Variants in SLC6A15 observed in about 807,000 individuals in gnomAD.
The protein encoded by SLC6A15 is sodium-dependent neutral amino acid transporter B(0)AT2.
Under a neutral mutation model 68.5 loss-of-function variants are expected in SLC6A15, and 33 were observed. The ratio of observed to expected loss-of-function variants is 0.48; its 90% CI spans 0.37 to 0.64. SLC6A15 has a LOEUF of 0.64. Among genes scored for constraint, SLC6A15 ranks in the 30% least tolerant of loss-of-function variants. SLC6A15 has a pLI of 0.00. For synonymous variants in SLC6A15, 347 were observed against 301.0 expected (o/e 1.15, Z -1.58); for missense variants, 747 against 874.3 (o/e 0.85, Z 1.84).
intron 5 of SLC6A15, chr12:84,882,629 A>C: frequency 4.1e-6 from 1 of 243,186 alleles, no homozygotes; most frequent in Non-Finnish European, 6.6e-6. Flanking sequence ...GTTAAAGAAC[A>C]TGGGCTCTAG....
Position 84,891,955 on chromosome 12 carries a change from C to T in SLC6A15, c.166G>A (p.Glu56Lys). ...EKDTDVEEGSEVEDERPAWNS... is the reference protein window; with the variant it reads ...EKDTDVEEGSKVEDERPAWNS... Reference sequence around the variant, plus strand: ...CAAGCTGGTCTTTCATCTTCGACTTCAGATCCTTCTTCAACATCTGTATCT... The same window carrying T: ...CAAGCTGGTCTTTCATCTTCGACTTTAGATCCTTCTTCAACATCTGTATCT... Residue 56 changes from glutamate (E) to lysine (K), a missense_variant, in exon 2 of 12, where the codon GAA becomes AAA. Physicochemically the swap from Glu to Lys is moderately conservative, Grantham distance 56. Transcript: ENST00000266682. The T allele has an allele frequency of 6.2e-7, 1 of 1,614,070 alleles. No individual in the cohort carries two copies. Among genetic ancestry groups the T allele is most frequent in the Non-Finnish European group, 8.5e-7 (1 of 1,179,994 alleles).
chr12:84,862,158 A>G, intron 11 of SLC6A15, 152 bp from the exon 12 acceptor site: 1 of 706,566 alleles, frequency 1.4e-6, no homozygotes, highest in Non-Finnish European at 2.3e-6. Context: ...GACACTCAGC[A>G]ACTTCCAAGA....
At chr12:84,876,701 C>A (rs1363439593) in intron 5 of SLC6A15, 94 bp from the exon 6 acceptor site, 1 of 552,550 alleles carries the variant, frequency 1.8e-6, no homozygotes, top group African/African-American at 2.0e-5. Context: ...TTGACAGTCA[C>A]TGTTTCATGA....
intron 1 of SLC6A15, among the ~76,000 whole-genome samples, chr12:84,903,275 G>T (rs1295292144): frequency 6.6e-6 from 1 of 151,950 alleles, no homozygotes; most frequent in Non-Finnish European, 1.5e-5. Flanking sequence ...TTAACGTAAG[G>T]TATACCTCAT....
Position 84,883,565 on chromosome 12 carries a change from A to G in SLC6A15, c.756+294T>C, listed in dbSNP as rs77195664. The stretch of plus-strand genomic sequence containing the variant: ...ATTAGAGAACTGAAACATTAGGACT[A>G]ATTGAATAAAGGGCAAAAAGAAAGG... On this transcript the variant is annotated intron_variant, in intron 5 of 11. Transcript: ENST00000266682. 8.9e-3 allele frequency: 12,268 copies of G among 1,377,266 alleles called. 696 individuals are homozygous for G. In the African/African-American group the frequency reaches 0.14, roughly 16 times the overall value. The allele number at this position is 1,377,266 out of a possible 1,614,324, so 85.3% of individuals were successfully genotyped here. A position where few individuals can be genotyped will look rare whatever the true frequency, so the allele number is the denominator to read the frequency against.
intron 1 of SLC6A15, among the ~76,000 whole-genome samples, chr12:84,910,416 A>G (rs1038428376): frequency 6.6e-6 from 1 of 152,206 alleles, no homozygotes; most frequent in Non-Finnish European, 1.5e-5. Context: ...GATTCCATAG[A>G]AAAGGCAACA....
At chr12:84,900,688 C>T (rs545855436) in intron 1 of SLC6A15, among the ~76,000 whole-genome samples, 9 of 151,240 alleles carry the variant, frequency 6.0e-5, no homozygotes, top group African/African-American at 1.5e-4. Context: ...TTATTTTTGC[C>T]TTTATTAAGA....
intron 1 of SLC6A15, among the ~76,000 whole-genome samples, chr12:84,908,681 T>C (rs1032252038): frequency 2.0e-5 from 3 of 150,716 alleles, no homozygotes; most frequent in Non-Finnish European, 4.4e-5. Context: ...TCCCAATAAG[T>C]AACCAAAATC....
intron 3 of SLC6A15, 146 bp downstream of exon 3, chr12:84,885,765 T>C (rs1223184255): frequency 6.2e-6 from 6 of 961,848 alleles, no homozygotes; most frequent in African/African-American, 1.7e-5. Flanking sequence ...TTAATATTTA[T>C]AGTTAATCCA....
intron 1 of SLC6A15, among the ~76,000 whole-genome samples, chr12:84,894,317 T>C (rs546264548): frequency 4.9e-4 from 74 of 152,280 alleles, no homozygotes; most frequent in African/African-American, 1.8e-3. Context: ...GTTGGCATAG[T>C]AGCAAGTGAT....
chr12:84,860,633 A>G lies in SLC6A15; in HGVS notation c.*999T>C, dbSNP rs1209479814. On this transcript the variant is annotated 3_prime_UTR_variant, in exon 12 of 12. Coordinates refer to ENST00000266682, the MANE Select transcript of SLC6A15 (RefSeq NM_182767.6). ...CAGTTCAGGTGATACAAAGAAAATC[A>G]ATGTGAAAAACAAACATCATTTTTA... is the stretch of plus-strand genomic sequence containing the variant. 6.6e-6 allele frequency: 1 copy of G among 152,164 alleles called. No individual in the cohort carries two copies. The highest frequency in any genetic ancestry group is 1.5e-5 in the Non-Finnish European group (1 of 68,000). 9.4% of individuals were successfully genotyped at this position (152,164 alleles called of 1,614,324 possible). A position where few individuals can be genotyped will look rare whatever the true frequency, so the allele number is the denominator to read the frequency against.
chr12:84,892,894 A>G (rs1013754292), intron 1 of SLC6A15, among the ~76,000 whole-genome samples: 3 of 152,164 alleles, frequency 2.0e-5, no homozygotes, highest in Non-Finnish European at 4.4e-5. Flanking sequence ...TCTCCCAGAG[A>G]TCCTCTTGCC....
intron 1 of SLC6A15, among the ~76,000 whole-genome samples, chr12:84,902,604 G>A (rs994193271): frequency 7.2e-5 from 11 of 151,870 alleles, no homozygotes; most frequent in Admixed American, 2.0e-4. Flanking sequence ...TCCAGTATGC[G>A]TTTCAATGGG....
intron 2 of SLC6A15, among the ~76,000 whole-genome samples, chr12:84,887,677 G>A (rs7966336): frequency 0.26 from 40,166 of 151,942 alleles, 5,763 homozygotes; most frequent in Middle Eastern, 0.44. Context: ...CTTAGATTAT[G>A]AATGGATTTT....
chr12:84,889,501 AATAAAAATAAAAATAAAAAT>A (rs1341297603), intron 2 of SLC6A15, among the ~76,000 whole-genome samples: 4 of 146,020 alleles, frequency 2.7e-5, no homozygotes, highest in African/African-American at 1.1e-4. Flanking sequence ...CTCAGAAAAA[AATAAAAATAAAAATAAAAAT>A]AAAAATAAAA....
intron 5 of SLC6A15, 97 bp downstream of exon 5, chr12:84,883,762 G>T (rs1362052563): frequency 6.2e-7 from 1 of 1,613,508 alleles, no homozygotes; most frequent in Non-Finnish European, 8.5e-7. Flanking sequence ...GAAGTGTTAT[G>T]TGTGATTTGC....
intron 9 of SLC6A15, among the ~76,000 whole-genome samples, chr12:84,868,852 G>C (rs958224564): frequency 6.6e-6 from 1 of 152,112 alleles, no homozygotes; most frequent in Non-Finnish European, 1.5e-5. Flanking sequence ...TTTACTACAG[G>C]AGGGGACGGT....
At chr12:84,864,320 CTTT>C (rs551232166) in intron 10 of SLC6A15, among the ~76,000 whole-genome samples, 2 of 131,742 alleles carry the variant, frequency 1.5e-5, no homozygotes, top group Non-Finnish European at 3.3e-5. Flanking sequence ...TTCTTTCTTT[CTTT>C]TTTTTTTTTT....
intron 6 of SLC6A15, among the ~76,000 whole-genome samples, chr12:84,875,679 TATATATATATATATATATATG>T (rs778307166): frequency 0.64 from 26,453 of 41,268 alleles, 5,861 homozygotes; most frequent in Middle Eastern, 0.75. Context: ...TATATATATA[TATATATATATATATATATATG>T]AGAATCAAAA....
Sources: allele counts gnomAD v4.1 joint callset (sites outside exome capture counted in the v4.1 genomes callset), GRCh38; gene constraint gnomAD v4.1.1; transcripts MANE v1.5; gene names NCBI Gene and HGNC (gene_info 2026-07-23, HGNC 2026-07-21).